UBE2K: variants seen among roughly 807,000 people sequenced by gnomAD.
The protein encoded by UBE2K is ubiquitin conjugating enzyme E2 K.
Under a neutral mutation model 30.0 loss-of-function variants are expected in UBE2K, and 6 were observed. The observed-to-expected ratio is 0.20, with a 90% CI of 0.11 to 0.39. UBE2K has a LOEUF of 0.39. UBE2K is among the 10% of genes least tolerant of loss of function. The pLI, the probability that UBE2K is intolerant of heterozygous loss-of-function variation, is 1.00. For synonymous variants in UBE2K, 86 were observed against 83.7 expected (o/e 1.03, Z -0.15); for missense variants, 61 against 241.6 (o/e 0.25, Z 4.96).
intron 4 of UBE2K, chr4:39,770,557 C>T: frequency 1.3e-6 from 2 of 1,590,776 alleles, no homozygotes; most frequent in Non-Finnish European, 1.7e-6. Context: ...GCTGCTGCTT[C>T]CACCAGGCCC....
At chr4:39,776,534 T>C (rs1389920609) in intron 5 of UBE2K, among the ~76,000 whole-genome samples, 1 of 152,226 alleles carries the variant, frequency 6.6e-6, no homozygotes, top group African/African-American at 2.4e-5. Context: ...TCCTAAATTC[T>C]TGTTTTCTTC....
chr4:39,727,526 C>T (rs1006545181), intron 1 of UBE2K, among the ~76,000 whole-genome samples: 11 of 151,814 alleles, frequency 7.2e-5, no homozygotes, highest in Non-Finnish European at 1.5e-4. Flanking sequence ...CACACCCACA[C>T]CTACCTAATT....
chr4:39,714,298 G>A (rs1718883984), intron 1 of UBE2K: 1 of 204,230 alleles, frequency 4.9e-6, no homozygotes, highest in Non-Finnish European at 1.1e-5. Flanking sequence ...TGAGCTGCCT[G>A]CCATCCAGTT....
At chr4:39,722,941 G>T (rs960561592) in intron 1 of UBE2K, among the ~76,000 whole-genome samples, 1 of 151,306 alleles carries the variant, frequency 6.6e-6, no homozygotes, top group African/African-American at 2.4e-5. Context: ...GATTACAGGC[G>T]CGCACCACCA....
chr4:39,777,173 A>G (rs1713329633), intron 5 of UBE2K, among the ~76,000 whole-genome samples: 1 of 152,206 alleles, frequency 6.6e-6, no homozygotes, highest in South Asian at 2.1e-4. Context: ...TTATGTAATA[A>G]GTTAGGACTT....
chr4:39,737,034 G>A (rs991563140), intron 1 of UBE2K, among the ~76,000 whole-genome samples: 3 of 152,144 alleles, frequency 2.0e-5, no homozygotes, highest in Non-Finnish European at 2.9e-5. Context: ...CCCATGTATC[G>A]TGGGGGTATA....
chr4:39,744,081 T>G (rs1424386128), intron 2 of UBE2K, among the ~76,000 whole-genome samples: 1 of 152,210 alleles, frequency 6.6e-6, no homozygotes. Context: ...CAGGCTAGTC[T>G]TGAACTTCTG....
At chr4:39,722,708 A>G (rs1719492131) in intron 1 of UBE2K, among the ~76,000 whole-genome samples, 1 of 152,128 alleles carries the variant, frequency 6.6e-6, no homozygotes, top group East Asian at 1.9e-4. Flanking sequence ...AGCTCCACAT[A>G]AGACAGCAGC....
At chr4:39,765,944 C>CACAT (rs1712303474) in intron 4 of UBE2K, among the ~76,000 whole-genome samples, 2 of 142,916 alleles carry the variant, frequency 1.4e-5, no homozygotes, top group South Asian at 4.4e-4. Flanking sequence ...TACATACACA[C>CACAT]ACACACATAC....
intron 3 of UBE2K, among the ~76,000 whole-genome samples, chr4:39,750,814 T>TG (rs1721216759): frequency 6.6e-6 from 1 of 151,670 alleles, no homozygotes; most frequent in South Asian, 2.1e-4. Context: ...GGCATGATCA[T>TG]GGCTCACTGC....
At chr4:39,754,077 A>G (rs1721408303) in intron 3 of UBE2K, among the ~76,000 whole-genome samples, 1 of 152,220 alleles carries the variant, frequency 6.6e-6, no homozygotes, top group African/African-American at 2.4e-5. Context: ...ATGAGAGGTC[A>G]TTAATGGTCC....
chr4:39,715,462 A>G (rs1484316821), intron 1 of UBE2K, among the ~76,000 whole-genome samples: 2 of 152,018 alleles, frequency 1.3e-5, no homozygotes, highest in East Asian at 1.9e-4. Context: ...GTGGGCCACC[A>G]TGCCCGTCTG....
rs1275060030 is a variant in UBE2K at position 39,714,542 on chromosome 4, A to ATTTTTTTT, written c.63+16153_63+16154insTTTTTTTT. 7.9e-4 allele frequency: 16 copies of ATTTTTTTT among 20,188 alleles called. No homozygotes were observed. In the South Asian group the frequency reaches 8.8e-3, roughly 11 times the overall value. 1.3% of individuals were successfully genotyped at this position (20,188 alleles called of 1,614,324 possible). A position where few individuals can be genotyped will look rare whatever the true frequency, so the allele number is the denominator to read the frequency against. On this transcript the variant is annotated intron_variant, in intron 1 of 6. Transcript: ENST00000261427. ...CATATATATATATATATATATATAT[A>ATTTTTTTT]TATATATATTTTTTTTTTTTTTTAA...
intron 2 of UBE2K, among the ~76,000 whole-genome samples, chr4:39,738,791 C>T (rs1720513418): frequency 6.6e-6 from 1 of 152,012 alleles, no homozygotes; most frequent in Non-Finnish European, 1.5e-5. Flanking sequence ...GATTCTCCTG[C>T]CTTAGCCTCC....
intron 6 of UBE2K, 90 bp downstream of exon 6, chr4:39,777,900 A>G: frequency 7.8e-7 from 1 of 1,287,080 alleles, no homozygotes; most frequent in African/African-American, 1.5e-5. Context: ...TTAGAAAATA[A>G]GAGAAATTCG....
chr4:39,764,181 C>T (rs1041839563), intron 4 of UBE2K, among the ~76,000 whole-genome samples: 1 of 152,080 alleles, frequency 6.6e-6, no homozygotes. Context: ...ATGGCAAGAC[C>T]CTGTCTGTAC....
At chr4:39,770,515 T>A in intron 4 of UBE2K, 1 of 1,607,772 alleles carries the variant, frequency 6.2e-7, no homozygotes, top group Non-Finnish European at 8.5e-7. Flanking sequence ...GGTCCCTGGC[T>A]GCCCCCCGCC....
At chr4:39,733,041 G>A (rs1560355187) in intron 1 of UBE2K, among the ~76,000 whole-genome samples, 1 of 109,266 alleles carries the variant, frequency 9.2e-6, no homozygotes, top group Non-Finnish European at 1.8e-5. Flanking sequence ...AAGCCCCCAG[G>A]GAACATCAGG....
chr4:39,756,994 T>G (rs1165310988), intron 4 of UBE2K, among the ~76,000 whole-genome samples: 1 of 148,172 alleles, frequency 6.7e-6, no homozygotes, highest in Non-Finnish European at 1.5e-5. Context: ...CTATGTTTTT[T>G]TGGGTGTTTT....
Sources: gnomAD v4.1 joint callset for allele counts (sites outside exome capture counted in the v4.1 genomes callset) on GRCh38, gnomAD v4.1.1 for gene constraint, MANE v1.5 for transcripts, NCBI Gene and HGNC (gene_info 2026-07-23, HGNC 2026-07-21) for gene names.